DDI2: variants seen among roughly 807,000 people sequenced by gnomAD.
DDI2 encodes protein DDI1 homolog 2.
A neutral mutation model predicts 48.1 loss-of-function variants in DDI2; 5 were observed. The observed-to-expected ratio is 0.10, with a 90% CI of 0.05 to 0.22. The LOEUF (loss-of-function observed/expected upper bound fraction) is 0.22. DDI2 is among the 10% of genes least tolerant of loss of function. The probability of loss-of-function intolerance (pLI) is 1.00; values close to 1 mark genes in which losing one functional copy is unlikely to be tolerated. For synonymous variants in DDI2, 205 were observed against 183.6 expected (o/e 1.12, Z -0.94); for missense variants, 285 against 506.2 (o/e 0.56, Z 4.19).
chr1:15,622,299 CAT>C (rs1187948995), intron 1 of DDI2, among the ~76,000 whole-genome samples: 1 of 150,456 alleles, frequency 6.6e-6, no homozygotes, highest in Non-Finnish European at 1.5e-5. Context: ...GTTGGGATTA[CAT>C]GTGTGAGCCA....
rs1640465815 is a variant in DDI2 at position 15,667,182 on chromosome 1, G to A, written c.*7392G>A. 6.6e-6 allele frequency: 1 copy of A among 151,148 alleles called. No homozygotes were observed. Among genetic ancestry groups the A allele is most frequent in the Admixed American group, 6.6e-5 (1 of 15,132 alleles). 9.4% of individuals were successfully genotyped at this position (151,148 alleles called of 1,614,324 possible). A position where few individuals can be genotyped will look rare whatever the true frequency, so the allele number is the denominator to read the frequency against. On this transcript the variant is annotated 3_prime_UTR_variant, in exon 10 of 10. Coordinates refer to ENST00000480945, the MANE Select transcript of DDI2 (RefSeq NM_032341.5). ...GGATCACGTCACTGTACTCCAGCCT[G>A]GGCAAGAGTGAGACACCGTCTCAAA... is the stretch of plus-strand genomic sequence containing the variant.
At chr1:15,641,170 G>A (rs1048356331) in intron 5 of DDI2, among the ~76,000 whole-genome samples, 1 of 152,168 alleles carries the variant, frequency 6.6e-6, no homozygotes, top group African/African-American at 2.4e-5. Context: ...AGAAGTAAGT[G>A]ATTTGAAAAT....
intron 2 of DDI2, 94 bp from the exon 3 acceptor site, chr1:15,630,231 C>T (rs1639821339): frequency 4.4e-6 from 5 of 1,133,220 alleles, no homozygotes; most frequent in Non-Finnish European, 5.3e-6. Flanking sequence ...TTGCTGCTGT[C>T]ATATACCATG....
intron 5 of DDI2, among the ~76,000 whole-genome samples, chr1:15,640,382 T>C (rs1055432496): frequency 1.3e-5 from 2 of 152,240 alleles, no homozygotes; most frequent in African/African-American, 4.8e-5. Flanking sequence ...TCACATTCTC[T>C]ACTCTGTCTT....
intron 1 of DDI2, among the ~76,000 whole-genome samples, chr1:15,621,596 C>T (rs78175477): frequency 1.3e-5 from 2 of 151,868 alleles, no homozygotes; most frequent in African/African-American, 4.8e-5. Flanking sequence ...GTGTTGGCCA[C>T]GCTGGTCTCA....
intron 5 of DDI2, among the ~76,000 whole-genome samples, chr1:15,641,513 A>G (rs1379419766): frequency 6.6e-6 from 1 of 151,994 alleles, no homozygotes; most frequent in Non-Finnish European, 1.5e-5. Flanking sequence ...CTAAAGGTAG[A>G]CACAGATCTG....
intron 2 of DDI2, among the ~76,000 whole-genome samples, chr1:15,627,229 A>G (rs540368979): frequency 9.2e-5 from 14 of 152,314 alleles, no homozygotes; most frequent in African/African-American, 3.4e-4. Context: ...TTGGAGCTGC[A>G]TTTCACATGA....
At chr1:15,655,998 T>TTA (rs1557623892) in intron 8 of DDI2, among the ~76,000 whole-genome samples, 2 of 150,370 alleles carry the variant, frequency 1.3e-5, no homozygotes, top group East Asian at 3.9e-4. Flanking sequence ...TAAAATGTTT[T>TTA]AAAAAAAAAA....
rs1483726458 is a variant in DDI2, at chr1:15,668,371, TTTCTA to T, written c.*8588_*8592del. 6.6e-6 allele frequency: 1 copy of T among 152,224 alleles called. No individual in the cohort carries two copies. Among genetic ancestry groups the T allele is most frequent in the Admixed American group, 6.5e-5 (1 of 15,282 alleles). 9.4% of individuals were successfully genotyped at this position (152,224 alleles called of 1,614,324 possible). A position where few individuals can be genotyped will look rare whatever the true frequency, so the allele number is the denominator to read the frequency against. ...AGACCTTCCCATTTGAATGACTAGA[TTTCTA>T]TTCTATCCCCGATCATCCTTTTGAA... On this transcript the variant is annotated 3_prime_UTR_variant, in exon 10 of 10. Coordinates refer to ENST00000480945, the MANE Select transcript of DDI2 (RefSeq NM_032341.5).
chr1:15,635,186 A>ACC (rs1454705025), intron 4 of DDI2, among the ~76,000 whole-genome samples: 2 of 151,458 alleles, frequency 1.3e-5, no homozygotes, highest in African/African-American at 2.4e-5. Context: ...CTATGATTGT[A>ACC]CCACTGCATT....
intron 4 of DDI2, among the ~76,000 whole-genome samples, chr1:15,636,451 T>A (rs567357770): frequency 1.1e-4 from 16 of 150,292 alleles, no homozygotes; most frequent in African/African-American, 4.0e-4. Flanking sequence ...GTTTGTTTGT[T>A]GAAGAGACAG....
intron 8 of DDI2, chr1:15,656,316 G>A (rs1640272958): frequency 1.5e-5 from 14 of 934,908 alleles, no homozygotes; most frequent in South Asian, 1.4e-4. Flanking sequence ...CGATCAGGTG[G>A]ATCTACTTTC....
Position 15,661,411 on chromosome 1 carries a change from T to C in DDI2, c.*1621T>C. On this transcript the variant is annotated 3_prime_UTR_variant, in exon 10 of 10. Transcript: ENST00000480945. ...GACTTCTGAGCAAACTAAGTCTTTGTCATCCAATTTCATATTGGTTAAAGA... is the reference window on the plus strand; with the variant it reads ...GACTTCTGAGCAAACTAAGTCTTTGCCATCCAATTTCATATTGGTTAAAGA... 1 of 1,614,168 alleles carries C rather than the reference T, an allele frequency of 6.2e-7. No homozygotes were observed. The highest frequency in any genetic ancestry group is 1.1e-5 in the South Asian group (1 of 91,088).
intron 8 of DDI2, among the ~76,000 whole-genome samples, chr1:15,652,577 A>G (rs888454716): frequency 6.6e-6 from 1 of 151,248 alleles, no homozygotes; most frequent in Non-Finnish European, 1.5e-5. Context: ...TAATCCCAGC[A>G]CTTTGGGAGG....
At position 15,662,339 on chromosome 1, in the gene DDI2, T is replaced by C. The variant is rs1473551826; in HGVS notation, c.*2549T>C. The C allele has an allele frequency of 6.6e-6, 1 of 152,270 alleles. No individual in the cohort carries two copies. Among genetic ancestry groups the C allele is most frequent in the Non-Finnish European group, 1.5e-5 (1 of 68,088 alleles). The allele number at this position is 152,270 out of a possible 1,614,324, so 9.4% of individuals were successfully genotyped here. A position where few individuals can be genotyped will look rare whatever the true frequency, so the allele number is the denominator to read the frequency against. The stretch of plus-strand genomic sequence containing the variant: ...GTGTGCTTAGGATTTGACATTTTAA[T>C]AGGGCGAGCAGGAGGGTTTAAATCT... On this transcript the variant is annotated 3_prime_UTR_variant, in exon 10 of 10. Coordinates refer to ENST00000480945, the MANE Select transcript of DDI2 (RefSeq NM_032341.5).
chr1:15,660,192 T>A lies in DDI2; in HGVS notation c.*402T>A, dbSNP rs745749890. The A allele has an allele frequency of 6.2e-7, 1 of 1,614,232 alleles. No individual in the cohort carries two copies. Among genetic ancestry groups the A allele is most frequent in the Non-Finnish European group, 8.5e-7 (1 of 1,180,038 alleles). ...CATCCGAAGAAATAACTGTTGCAGG[T>A]AATCTGGAGAAATCTGCTGAAAGAA... On this transcript the variant is annotated 3_prime_UTR_variant, in exon 10 of 10. Coordinates refer to ENST00000480945, the MANE Select transcript of DDI2 (RefSeq NM_032341.5).
At chr1:15,640,426 C>T (rs759174726) in intron 5 of DDI2, among the ~76,000 whole-genome samples, 4 of 152,198 alleles carry the variant, frequency 2.6e-5, no homozygotes, top group East Asian at 1.9e-4. Flanking sequence ...GATCAAGTCA[C>T]GCTTCCAGGT....
In DDI2 at chr1:15,620,314, G is replaced by A. The variant is rs1200746816; in HGVS notation, c.138+2506G>A. Among the ~76,000 whole-genome samples, 4 of 151,996 alleles carry A rather than the reference G, an allele frequency of 2.6e-5. No individual in the cohort carries two copies. In the East Asian group the frequency reaches 7.7e-4, roughly 29 times the overall value. ...CTTTCACTTGCTTGCTTGCCCATCA[G>A]GCAGGAACAGGATCCACCCTAGACA... On this transcript the variant is annotated intron_variant, in intron 1 of 9. Transcript: ENST00000480945.
rs753617568 is a variant in DDI2 at position 15,633,425 on chromosome 1, C to G, written c.506-14C>G. 4.4e-6 allele frequency: 7 copies of G among 1,608,654 alleles called. No individual in the cohort carries two copies. Among genetic ancestry groups the G allele is most frequent in the Non-Finnish European group, 5.9e-6 (7 of 1,178,000 alleles). On this transcript the variant is annotated splice_polypyrimidine_tract_variant and intron_variant, in intron 3 of 9. Transcript: ENST00000480945. ...TATAGTGATATTTAAGATTTTTCTC[C>G]CTTATTTTTGTAGAGAAATTTTCTA...
Sources: allele counts gnomAD v4.1 joint callset (sites outside exome capture counted in the v4.1 genomes callset), GRCh38; gene constraint gnomAD v4.1.1; transcripts MANE v1.5; gene names NCBI Gene and HGNC (gene_info 2026-07-23, HGNC 2026-07-21).